CMIP: variants seen among roughly 807,000 people sequenced by gnomAD.
CMIP encodes c-Maf inducing protein.
CMIP carries 13 observed loss-of-function variants against 97.3 expected under a neutral mutation model. The ratio of observed to expected loss-of-function variants is 0.13; its 90% CI spans 0.09 to 0.21. The LOEUF (loss-of-function observed/expected upper bound fraction) is 0.21, where lower values mean the gene tolerates loss of function less well. CMIP is among the 10% of genes least tolerant of loss of function. The pLI is 1.00. For missense variants in CMIP, 847 were observed against 1,024.9 expected (o/e 0.83, Z 2.37); for synonymous variants, 538 against 436.3 (o/e 1.23, Z -2.91).
At chr16:81,523,140 G>A (rs1472907911) in intron 1 of CMIP, among the ~76,000 whole-genome samples, 3 of 152,116 alleles carry the variant, frequency 2.0e-5, no homozygotes, top group African/African-American at 4.8e-5. Flanking sequence ...GACTGGCCTC[G>A]AATTCCTGGG....
At chr16:81,657,015 C>T (rs1257185242) in intron 4 of CMIP, among the ~76,000 whole-genome samples, 1 of 151,154 alleles carries the variant, frequency 6.6e-6, no homozygotes, top group African/African-American at 2.4e-5. Flanking sequence ...CTAGGTTGCT[C>T]AACTGGTTAA....
intron 13 of CMIP, among the ~76,000 whole-genome samples, chr16:81,694,838 C>T (rs962371309): frequency 2.0e-5 from 3 of 152,150 alleles, no homozygotes; most frequent in East Asian, 1.9e-4. Context: ...TTCTAAACAC[C>T]GATTTCCCTA....
At chr16:81,601,370 G>A (rs571096701) in intron 1 of CMIP, among the ~76,000 whole-genome samples, 1 of 152,310 alleles carries the variant, frequency 6.6e-6, no homozygotes, top group East Asian at 1.9e-4. Flanking sequence ...GGAAGGCGAA[G>A]GCTAGGTGTC....
intron 4 of CMIP, among the ~76,000 whole-genome samples, chr16:81,653,684 C>A (rs1245604990): frequency 6.6e-6 from 1 of 152,236 alleles, no homozygotes; most frequent in Non-Finnish European, 1.5e-5. Context: ...GGCGTGACGG[C>A]TCACTGCAAC....
intron 1 of CMIP, among the ~76,000 whole-genome samples, chr16:81,508,527 C>T (rs976040549): frequency 2.6e-5 from 4 of 152,182 alleles, no homozygotes; most frequent in African/African-American, 9.7e-5. Flanking sequence ...GCTGTTTTTG[C>T]AGCCTTTTAC....
chr16:81,634,158 C>T (rs147338253), intron 3 of CMIP, among the ~76,000 whole-genome samples: 13 of 152,330 alleles, frequency 8.5e-5, no homozygotes, highest in Middle Eastern at 6.8e-3. Context: ...ACATACCCTC[C>T]GGGTGACTGT....
intron 3 of CMIP, among the ~76,000 whole-genome samples, chr16:81,623,707 G>A (rs368943833): frequency 1.1e-4 from 16 of 152,186 alleles, no homozygotes; most frequent in African/African-American, 3.1e-4. Context: ...TGGAGGTACC[G>A]CCAGCTAGCC....
chr16:81,640,803 C>T (rs1329284690), intron 3 of CMIP, among the ~76,000 whole-genome samples: 6 of 148,976 alleles, frequency 4.0e-5, no homozygotes, highest in South Asian at 2.1e-4. Context: ...CTTTTTATAA[C>T]GACGCCAGTC....
chr16:81,507,769 G>A (rs2089735859), intron 1 of CMIP, among the ~76,000 whole-genome samples: 1 of 152,176 alleles, frequency 6.6e-6, no homozygotes, highest in South Asian at 2.1e-4. Flanking sequence ...GGTTGGGGTG[G>A]CCGCAGATCA....
At chr16:81,590,861 A>G (rs2091456787) in intron 1 of CMIP, among the ~76,000 whole-genome samples, 1 of 146,696 alleles carries the variant, frequency 6.8e-6, no homozygotes, top group South Asian at 2.1e-4. Context: ...CCATCCATCC[A>G]TCCATCCATC....
chr16:81,585,505 G>T (rs2091367059), intron 1 of CMIP, among the ~76,000 whole-genome samples: 1 of 152,128 alleles, frequency 6.6e-6, no homozygotes, highest in Non-Finnish European at 1.5e-5. Context: ...CATGACAGCC[G>T]TCTGATTTCT....
At position 81,559,903 on chromosome 16, in the gene CMIP, T is replaced by G. The variant is rs147142466; in HGVS notation, c.301-47664T>G. Among the ~76,000 whole-genome samples, 255 of 152,156 alleles carry G rather than the reference T, an allele frequency of 1.7e-3. 2 individuals are homozygous for G. The highest frequency in any genetic ancestry group is 6.0e-3 in the African/African-American group (249 of 41,514). ...TGGCTCATGCCTGTAATCCCAGCAC[T>G]TTGGGAGGCTGAGGCAGGTAGATCA... On this transcript the variant is annotated intron_variant, in intron 1 of 20. Transcript: ENST00000537098.
intron 7 of CMIP, among the ~76,000 whole-genome samples, chr16:81,668,053 G>A (rs545085557): frequency 8.6e-4 from 131 of 152,208 alleles, no homozygotes; most frequent in African/African-American, 2.9e-3. Flanking sequence ...GTAGGAACGG[G>A]TTCCACTCAG....
Position 81,605,644 on chromosome 16 carries a change from G to C in CMIP, c.301-1923G>C, listed in dbSNP as rs149169437. 6.8e-3 allele frequency among the ~76,000 whole-genome samples: 1,031 copies of C among 152,298 alleles called. 8 individuals carry two copies. The highest frequency in any genetic ancestry group is 0.024 in the African/African-American group (993 of 41,560). On this transcript the variant is annotated intron_variant, in intron 1 of 20. Transcript: ENST00000537098. ...TTCTGCTCCTCCTTGAACACTCCCA[G>C]CTGTTCCCACCTCTGAGCCTTTGCA...
rs397854647 is a variant in CMIP at position 81,571,587 on chromosome 16, C to CAAAA, written c.301-35959_301-35956dup. On this transcript the variant is annotated intron_variant, in intron 1 of 20. Coordinates refer to ENST00000537098, the MANE Select transcript of CMIP (RefSeq NM_198390.3). ...CAACATAGTGAGATCTCATCTCTAC[C>CAAAA]AAAAAAAAAAAAAAAAAAAAAAAAT... is the stretch of plus-strand genomic sequence containing the variant. Among the ~76,000 whole-genome samples the CAAAA allele has an allele frequency of 7.9e-4, 69 of 87,422 alleles. 1 individual carries two copies. The highest frequency in any genetic ancestry group is 2.8e-3 in the African/African-American group (60 of 21,232). 57.4% of individuals were successfully genotyped at this position (87,422 alleles called of 152,430 possible). A position where few individuals can be genotyped will look rare whatever the true frequency, so the allele number is the denominator to read the frequency against.
At chr16:81,671,319 G>A (rs545069606) in intron 8 of CMIP, among the ~76,000 whole-genome samples, 1 of 152,208 alleles carries the variant, frequency 6.6e-6, no homozygotes, top group African/African-American at 2.4e-5. Flanking sequence ...GGCATTCTTA[G>A]TGACAGCAGC....
At chr16:81,486,067 A>C (rs990586570) in intron 1 of CMIP, among the ~76,000 whole-genome samples, 1 of 152,240 alleles carries the variant, frequency 6.6e-6, no homozygotes, top group South Asian at 2.1e-4. Flanking sequence ...AGGGGCTCCC[A>C]AAGGCCACAC....
At chr16:81,532,345 AG>A (rs2090254502) in intron 1 of CMIP, among the ~76,000 whole-genome samples, 1 of 152,248 alleles carries the variant, frequency 6.6e-6, no homozygotes, top group African/African-American at 2.4e-5. Context: ...CTGATGCAGG[AG>A]GTATACGCAC....
At chr16:81,612,214 C>T (rs539827996) in intron 2 of CMIP, among the ~76,000 whole-genome samples, 44 of 152,276 alleles carry the variant, frequency 2.9e-4, no homozygotes, top group Non-Finnish European at 5.6e-4. Flanking sequence ...GGGGATTCTG[C>T]CTAAAAATTG....
Sources: gnomAD v4.1 joint callset for allele counts (sites outside exome capture counted in the v4.1 genomes callset) on GRCh38, gnomAD v4.1.1 for gene constraint, MANE v1.5 for transcripts, NCBI Gene and HGNC (gene_info 2026-07-23, HGNC 2026-07-21) for gene names.